SLC5A7: variants seen among roughly 807,000 people sequenced by gnomAD.
SLC5A7 encodes the protein solute carrier family 5 member 7.
A neutral mutation model predicts 55.4 loss-of-function variants in SLC5A7; 19 were observed. The ratio of observed to expected loss-of-function variants is 0.34; its 90% CI spans 0.24 to 0.50. SLC5A7 has a LOEUF of 0.50. SLC5A7 is among the 20% of genes least tolerant of loss of function. The pLI is 0.98. For synonymous variants in SLC5A7, 265 were observed against 263.7 expected (o/e 1.00, Z -0.05); for missense variants, 506 against 705.3 (o/e 0.72, Z 3.20).
intron 7 of SLC5A7, among the ~76,000 whole-genome samples, chr2:108,008,212 T>G (rs1265783539): frequency 6.6e-6 from 1 of 152,196 alleles, no homozygotes; most frequent in Admixed American, 6.5e-5. Context: ...ACACCATCAT[T>G]GCAGAAAGGA....
intron 4 of SLC5A7, among the ~76,000 whole-genome samples, chr2:107,995,476 TG>T (rs1677637221): frequency 1.3e-5 from 2 of 148,298 alleles, no homozygotes; most frequent in African/African-American, 2.5e-5. Context: ...AGAGAGTGTG[TG>T]TGTGTGTGTG....
At chr2:108,007,945 G>C (rs911661376) in intron 7 of SLC5A7, among the ~76,000 whole-genome samples, 6 of 152,142 alleles carry the variant, frequency 3.9e-5, no homozygotes, top group African/African-American at 1.4e-4. Flanking sequence ...AATAAAAAGG[G>C]ACTGTTCTTA....
intron 5 of SLC5A7, among the ~76,000 whole-genome samples, chr2:107,999,236 A>C (rs1165935894): frequency 6.6e-6 from 1 of 152,126 alleles, no homozygotes; most frequent in East Asian, 1.9e-4. Context: ...TGAAATTCTG[A>C]TTTTTCCTTA....
At chr2:107,994,408 C>T (rs1332882772) in intron 4 of SLC5A7, among the ~76,000 whole-genome samples, 2 of 152,010 alleles carry the variant, frequency 1.3e-5, no homozygotes, top group African/African-American at 2.4e-5. Flanking sequence ...ATAGTGAAAC[C>T]CCATCTCTAC....
At chr2:107,996,492 G>A (rs1338060470) in intron 4 of SLC5A7, among the ~76,000 whole-genome samples, 3 of 152,148 alleles carry the variant, frequency 2.0e-5, no homozygotes, top group Admixed American at 1.3e-4. Context: ...TATACTACTA[G>A]CATGCCAATT....
At chr2:107,995,885 G>A (rs575939420) in intron 4 of SLC5A7, among the ~76,000 whole-genome samples, 1 of 152,194 alleles carries the variant, frequency 6.6e-6, no homozygotes, top group African/African-American at 2.4e-5. Context: ...AGCTTCATGA[G>A]TAGACTAATA....
At chr2:107,998,898 A>G (rs1236214051) in intron 5 of SLC5A7, among the ~76,000 whole-genome samples, 2 of 152,190 alleles carry the variant, frequency 1.3e-5, no homozygotes, top group Non-Finnish European at 2.9e-5. Flanking sequence ...GCATTTCATT[A>G]TATTTTACTT....
At chr2:107,993,347 T>A (rs986989770) in intron 4 of SLC5A7, among the ~76,000 whole-genome samples, 1 of 152,234 alleles carries the variant, frequency 6.6e-6, no homozygotes, top group African/African-American at 2.4e-5. Flanking sequence ...ATACTTGAAT[T>A]GCCTCATTAG....
At position 107,992,976 on chromosome 2, in the gene SLC5A7, C is replaced by A. The variant is rs1157953204; in HGVS notation, c.297C>A (p.Gly99=). The A allele has an allele frequency of 6.2e-7, 1 of 1,613,868 alleles. No individual in the cohort carries two copies. The highest frequency in any genetic ancestry group is 8.5e-7 in the Non-Finnish European group (1 of 1,179,868). The part of the protein sequence containing the change: ...IGYSLSLILG[G]LFFAKPMRSK... Reference sequence around the variant, plus strand: ...AAACAGTTGCTTAATTTTTAGGTGGCCTGTTCTTTGCAAAACCTATGCGTT... The same window carrying A: ...AAACAGTTGCTTAATTTTTAGGTGGACTGTTCTTTGCAAAACCTATGCGTT... Residue 99 remains glycine, a synonymous_variant, in exon 4 of 9, where the codon GGC becomes GGA. Coordinates refer to ENST00000264047, the MANE Select transcript of SLC5A7 (RefSeq NM_021815.5).
In SLC5A7 at chr2:107,988,264, G is replaced by T; in HGVS notation, c.109G>T (p.Glu37Ter). ...AACCAAAAACAGTGGCAGCGCAGAAGAGCGCAGCGAAGCCATCATAGTTGG... is the reference window on the plus strand; with the variant it reads ...AACCAAAAACAGTGGCAGCGCAGAATAGCGCAGCGAAGCCATCATAGTTGG... The part of the protein sequence containing the change: ...WRTKNSGSAE[E>*]RSEAIIVGGR... Residue 37 changes from glutamate (E) to a stop codon, truncating the protein, a stop_gained, in exon 2 of 9, where the codon GAG (glutamate) becomes TAG (stop). Transcript: ENST00000264047. LOFTEE classifies it high-confidence loss of function. 6.2e-7 allele frequency: 1 copy of T among 1,614,184 alleles called. No individual in the cohort carries two copies. The highest frequency in any genetic ancestry group is 8.5e-7 in the Non-Finnish European group (1 of 1,180,018).
Position 107,988,284 on chromosome 2 carries a change from A to G in SLC5A7, c.129A>G (p.Ile43Met). 2 of 1,614,168 alleles carry G rather than the reference A, an allele frequency of 1.2e-6. No homozygotes were observed. Among genetic ancestry groups the G allele is most frequent in the Non-Finnish European group, 1.7e-6 (2 of 1,179,982 alleles). ...GSAEERSEAI[I>M]VGGRDIGLLV... ...CAGAAGAGCGCAGCGAAGCCATCAT[A>G]GTTGGTGGCCGAGATATTGGTTTAT... Residue 43 changes from isoleucine to methionine, a missense_variant, in exon 2 of 9, where the codon ATA (isoleucine) becomes ATG (methionine). Ile to Met is a conservative substitution (Grantham distance 10). This residue lies in a region of SLC5A7 where 56 missense variants were observed against 62.6 expected (regional missense o/e 0.89). Transcript: ENST00000264047.
At chr2:107,995,618 A>G (rs1451712761) in intron 4 of SLC5A7, among the ~76,000 whole-genome samples, 1 of 152,186 alleles carries the variant, frequency 6.6e-6, no homozygotes, top group Non-Finnish European at 1.5e-5. Flanking sequence ...CTTTAAATTT[A>G]CACAAATAAA....
chr2:108,006,572 C>T (rs764731864), intron 7 of SLC5A7, among the ~76,000 whole-genome samples: 2 of 151,962 alleles, frequency 1.3e-5, no homozygotes, highest in Non-Finnish European at 2.9e-5. Context: ...AGCACACCCT[C>T]CTCCCAGTTT....
intron 6 of SLC5A7, among the ~76,000 whole-genome samples, chr2:108,004,290 A>AT (rs1678024654): frequency 6.6e-6 from 1 of 152,254 alleles, no homozygotes; most frequent in Non-Finnish European, 1.5e-5. Flanking sequence ...TGATATATTG[A>AT]TAAAACAGGT....
chr2:107,988,077 T>C, intron 1 of SLC5A7, 28 bp from the exon 2 acceptor site: 1 of 1,473,600 alleles, frequency 6.8e-7, no homozygotes, highest in Non-Finnish European at 9.3e-7. Context: ...CTTGACTGGT[T>C]TATAATGCAT....
chr2:107,991,946 C>T (rs1249640993), intron 2 of SLC5A7, among the ~76,000 whole-genome samples, 160 bp from the exon 3 acceptor site: 1 of 152,140 alleles, frequency 6.6e-6, no homozygotes, highest in Non-Finnish European at 1.5e-5. Context: ...AAAGAAAAAA[C>T]ATTTGAAATC....
Position 107,993,122 on chromosome 2 carries a change from C to T in SLC5A7, c.443C>T (p.Ala148Val). The T allele has an allele frequency of 6.2e-7, 1 of 1,614,136 alleles. No individual in the cohort carries two copies. The highest frequency in any genetic ancestry group is 8.5e-7 in the Non-Finnish European group (1 of 1,179,996). ...EMFWAAAIFS[A>V]LGATISVIID... ...TTCTGGGCTGCAGCAATTTTCTCTGCTTTGGGTAAGGACCAGCTAAGTTGT... is the reference window on the plus strand; with the variant it reads ...TTCTGGGCTGCAGCAATTTTCTCTGTTTTGGGTAAGGACCAGCTAAGTTGT... Residue 148 changes from alanine (A) to valine (V), a missense_variant, in exon 4 of 9, where the codon GCT becomes GTT. Physicochemically the swap from Ala to Val is moderately conservative, Grantham distance 64. Around this residue, in one of 4 missense-constraint regions of SLC5A7, gnomAD observed 309 missense variants for 478.6 expected, o/e 0.65. Transcript: ENST00000264047.
chr2:108,001,944 C>T lies in SLC5A7; in HGVS notation c.645C>T (p.Ile215=), dbSNP rs1392135172. ...FALSHPAVAD[I]GFTAVHAKYQ... ...TGTCACATCCTGCAGTCGCAGACAT[C>T]GGGTTCACTGCTGTGCATGCCAAAT... The change falls in exon 6 of 9, where the codon ATC becomes ATT. Residue 215 remains isoleucine (I), a synonymous_variant. Coordinates refer to ENST00000264047, the MANE Select transcript of SLC5A7 (RefSeq NM_021815.5). 6.2e-7 allele frequency: 1 copy of T among 1,614,124 alleles called. No homozygotes were observed. The highest frequency in any genetic ancestry group is 2.2e-5 in the East Asian group (1 of 44,882).
chr2:107,999,011 A>G (rs1677782645), intron 5 of SLC5A7, among the ~76,000 whole-genome samples: 4 of 152,196 alleles, frequency 2.6e-5, no homozygotes, highest in Admixed American at 2.6e-4. Flanking sequence ...TAGAGGAAAA[A>G]TTGTAAAAAA....
Sources: allele counts gnomAD v4.1 joint callset (sites outside exome capture counted in the v4.1 genomes callset), GRCh38; gene constraint gnomAD v4.1.1; regional missense constraint gnomAD v4.1.1; transcripts MANE v1.5; gene names NCBI Gene and HGNC (gene_info 2026-07-23, HGNC 2026-07-21).